Variants in PLBD2 observed in about 807,000 individuals in gnomAD.
PLBD2 encodes the protein putative aminopeptidase PLBD2.
Under a neutral mutation model 68.3 loss-of-function variants are expected in PLBD2, and 51 were observed. The observed-to-expected ratio is 0.75, with a 90% CI of 0.60 to 0.94. PLBD2 has a LOEUF of 0.94. PLBD2 is among the 40% of genes least tolerant of loss of function. The pLI is 0.00. For missense variants in PLBD2, 729 were observed against 792.2 expected, an observed-to-expected ratio of 0.92 and a Z score of 0.96; for synonymous variants, 314 against 339.3, an observed-to-expected ratio of 0.93 and a Z score of 0.82.
chr12:113,387,938 G>A (rs1258079373), intron 11 of PLBD2, 32 bp downstream of exon 11: 1 of 1,607,234 alleles, frequency 6.2e-7, no homozygotes. Context: ...CTGAGCTGTG[G>A]GTGGGGGAAG....
At chr12:113,373,653 C>T (rs1182525375) in intron 3 of PLBD2, among the ~76,000 whole-genome samples, 2 of 151,806 alleles carry the variant, frequency 1.3e-5, no homozygotes, top group East Asian at 1.9e-4. Flanking sequence ...TTCACTCACT[C>T]ATCCATCCGT....
intron 6 of PLBD2, among the ~76,000 whole-genome samples, chr12:113,382,835 T>TGTGTG (rs1555206477): frequency 9.4e-6 from 1 of 106,536 alleles, no homozygotes; most frequent in African/African-American, 3.8e-5. Context: ...TGGTGGTTTT[T>TGTGTG]TGTGTGTGTG....
Position 113,372,587 on chromosome 12 carries a change from G to A in PLBD2, c.385-62G>A, listed in dbSNP as rs1466754188. ...CGCTCTGGGGCAGCCTGGGTGGGGG[G>A]CTCTCAGGGAAGAGAGCACCCCAGC... On this transcript the variant is annotated intron_variant, in intron 2 of 11. Coordinates refer to ENST00000280800, the MANE Select transcript of PLBD2 (RefSeq NM_173542.4). This position sits in a 1 kb window ranked among gnomAD's most constrained non-coding sequence, Gnocchi z 4.2. 2 of 1,554,292 alleles carry A rather than the reference G, an allele frequency of 1.3e-6. No homozygotes were observed. The highest frequency in any genetic ancestry group is 2.7e-5 in the African/African-American group (2 of 73,850).
At chr12:113,379,674 G>C (rs975098626) in intron 5 of PLBD2, among the ~76,000 whole-genome samples, 3 of 151,798 alleles carry the variant, frequency 2.0e-5, no homozygotes, top group African/African-American at 7.3e-5. Context: ...GAGGGTACCT[G>C]CCGGGGGTGG....
At chr12:113,387,613 A>C in intron 10 of PLBD2, 131 bp from the exon 11 acceptor site, 1 of 961,774 alleles carries the variant, frequency 1.0e-6, no homozygotes, top group Non-Finnish European at 1.6e-6. Context: ...TGTCGGGGGT[A>C]GTGTGCAGTG....
At chr12:113,381,348 G>T (rs992891231) in intron 6 of PLBD2, among the ~76,000 whole-genome samples, 11 of 151,596 alleles carry the variant, frequency 7.3e-5, no homozygotes, top group African/African-American at 2.4e-4. Context: ...GCTGTTTACA[G>T]TGTGTTGTTT....
At chr12:113,387,374 C>T (rs60664372) in intron 10 of PLBD2, among the ~76,000 whole-genome samples, 4,340 of 152,208 alleles carry the variant, frequency 0.029, 191 homozygotes, top group African/African-American at 0.098. Context: ...AACCTGTGCC[C>T]CACTGTCCTG....
chr12:113,374,883 T>G lies in PLBD2; in HGVS notation c.735T>G (p.Ser245=). The part of the protein sequence containing the change: ...IKPSLGSGSC[S]ALIKLLPGQS... ...CTTCTCTGGGCTCTGGCTCCTGTTC[T>G]GCCCTCATCAAGCTGCTCCCTGGCC... The change falls in exon 5 of 12, where the codon TCT becomes TCG. Residue 245 remains serine, a synonymous_variant. Coordinates refer to ENST00000280800, the MANE Select transcript of PLBD2 (RefSeq NM_173542.4). The G allele has an allele frequency of 6.2e-7, 1 of 1,614,082 alleles. No individual in the cohort carries two copies. The highest frequency in any genetic ancestry group is 8.5e-7 in the Non-Finnish European group (1 of 1,180,042).
chr12:113,368,283 G>T (rs1428866009), intron 1 of PLBD2, among the ~76,000 whole-genome samples: 1 of 152,206 alleles, frequency 6.6e-6, no homozygotes, highest in African/African-American at 2.4e-5. Context: ...GTATTGGGCA[G>T]CAGTGCTGTG....
intron 5 of PLBD2, among the ~76,000 whole-genome samples, chr12:113,379,301 C>T (rs1957462937): frequency 8.0e-6 from 1 of 125,054 alleles, no homozygotes; most frequent in Non-Finnish European, 1.6e-5. Flanking sequence ...GAGCAAGACT[C>T]TGTCTCAAAA....
In PLBD2 at chr12:113,386,999, G is replaced by A. The variant is rs200723232; in HGVS notation, c.1349G>A (p.Trp450Ter). The change falls in exon 10 of 12, where the codon TGG becomes TAG. Residue 450 changes from tryptophan to a stop codon, truncating the protein, a stop_gained. Coordinates refer to ENST00000280800, the MANE Select transcript of PLBD2 (RefSeq NM_173542.4). LOFTEE classifies it high-confidence loss of function. ...GCCCTAGTGGCCCAGTATGGGGACT[G>A]GTTTTCTTATGACGGGAGCCCCCGG... is the stretch of plus-strand genomic sequence containing the variant. ...LQALVAQYGDWFSYDGSPRAQ... is the reference protein window; with the variant it reads ...LQALVAQYGD The A allele has an allele frequency of 2.2e-4, 359 of 1,612,670 alleles. 1 individual carries two copies. Among genetic ancestry groups the A allele is most frequent in the Non-Finnish European group, 7.8e-5 (92 of 1,179,504 alleles).
Position 113,372,729 on chromosome 12 carries a change from G to A in PLBD2, c.465G>A (p.Leu155=), listed in dbSNP as rs185032693. ...ATGAAGTCGGCTACTGCGAGAGGCT[G>A]AAGAGCTTCCTGGAGGCCAACCTAG... ...FEYEVGYCER[L]KSFLEANLEW... Residue 155 remains leucine (L), a synonymous_variant, in exon 3 of 12, where the codon CTG becomes CTA. Coordinates refer to ENST00000280800, the MANE Select transcript of PLBD2 (RefSeq NM_173542.4). This position sits in a 1 kb window ranked among gnomAD's most constrained non-coding sequence, Gnocchi z 4.2. 60 of 1,614,134 alleles carry A rather than the reference G, an allele frequency of 3.7e-5. No individual in the cohort carries two copies. In the East Asian group the frequency reaches 1.1e-3, roughly 30 times the overall value.
At chr12:113,382,835 T>TTTTTGTGTGTG (rs1335785271) in intron 6 of PLBD2, among the ~76,000 whole-genome samples, 102 of 106,546 alleles carry the variant, frequency 9.6e-4, no homozygotes, top group African/African-American at 3.7e-3. Context: ...TGGTGGTTTT[T>TTTTTGTGTGTG]TGTGTGTGTG....
In PLBD2 at chr12:113,387,240, C is replaced by G. The variant is rs1490321500; in HGVS notation, c.1439+151C>G. The G allele has an allele frequency of 9.6e-6, 9 of 936,834 alleles. No individual in the cohort carries two copies. The Admixed American group carries it at 2.6e-4, about 27-fold the overall frequency. The allele number at this position is 936,834 out of a possible 1,614,324, so 58.0% of individuals were successfully genotyped here. A position where few individuals can be genotyped will look rare whatever the true frequency, so the allele number is the denominator to read the frequency against. ...CAGATGTTGGACACCAGTGCAGCAG[C>G]TCGGTGGCCGCTCTCCACTTGGGCC... On this transcript the variant is annotated intron_variant, in intron 10 of 11. Transcript: ENST00000280800.
Position 113,390,863 on chromosome 12 carries a change from A to G in PLBD2, c.*2237A>G, listed in dbSNP as rs1231700990. On this transcript the variant is annotated 3_prime_UTR_variant, in exon 12 of 12. Transcript: ENST00000280800. ...TTATCACCCATCTACCCATCCATCC[A>G]CCCACTCATCCATCCATTCATCCAT... The G allele has an allele frequency of 6.7e-6, 1 of 150,360 alleles. No homozygotes were observed. The highest frequency in any genetic ancestry group is 1.5e-5 in the Non-Finnish European group (1 of 67,592). The allele number at this position is 150,360 out of a possible 1,614,324, so 9.3% of individuals were successfully genotyped here.
chr12:113,364,474 T>C (rs1433760430), intron 1 of PLBD2, among the ~76,000 whole-genome samples: 2 of 151,938 alleles, frequency 1.3e-5, no homozygotes, highest in Non-Finnish European at 2.9e-5. Flanking sequence ...CAGATTCTTT[T>C]TTTTTTTTTA....
At position 113,358,763 on chromosome 12, in the gene PLBD2, G is replaced by A. The variant is rs1215329259; in HGVS notation, c.163G>A (p.Val55Ile). Reference protein sequence around the residue: ...PGGRWARDGQVPPASRSRSVL... With the variant: ...PGGRWARDGQIPPASRSRSVL... Reference sequence around the variant, plus strand: ...GGGCCGCTGGGCGCGCGATGGGCAGGTCCCTCCAGCCTCCCGCAGCCGCTC... The same window carrying A: ...GGGCCGCTGGGCGCGCGATGGGCAGATCCCTCCAGCCTCCCGCAGCCGCTC... The change falls in exon 1 of 12, where the codon GTC becomes ATC. Residue 55 changes from valine (V) to isoleucine (I), a missense_variant. Val to Ile is a conservative substitution (Grantham distance 29). Transcript: ENST00000280800. 4.2e-6 allele frequency: 6 copies of A among 1,421,386 alleles called. No homozygotes were observed. The highest frequency in any genetic ancestry group is 7.0e-5 in the Admixed American group (2 of 28,548). 88.0% of individuals were successfully genotyped at this position (1,421,386 alleles called of 1,614,324 possible).
chr12:113,391,473 G>A lies in PLBD2; in HGVS notation c.*2847G>A, dbSNP rs965811772. The A allele has an allele frequency of 2.6e-5, 4 of 152,136 alleles. No individual in the cohort carries two copies. Among genetic ancestry groups the A allele is most frequent in the African/African-American group, 4.8e-5 (2 of 41,424 alleles). 9.4% of individuals were successfully genotyped at this position (152,136 alleles called of 1,614,324 possible). A position where few individuals can be genotyped will look rare whatever the true frequency, so the allele number is the denominator to read the frequency against. ...ATGCCAGGCACTGTTATGAGGTCCCGGGGATACTTTATAACAAAAGGGACA... is the reference window on the plus strand; with the variant it reads ...ATGCCAGGCACTGTTATGAGGTCCCAGGGATACTTTATAACAAAAGGGACA... On this transcript the variant is annotated 3_prime_UTR_variant, in exon 12 of 12. Transcript: ENST00000280800.
At chr12:113,379,743 T>C (rs1225677949) in intron 5 of PLBD2, among the ~76,000 whole-genome samples, 1 of 150,898 alleles carries the variant, frequency 6.6e-6, no homozygotes, top group East Asian at 2.0e-4. Flanking sequence ...AACTGGGAGG[T>C]GGAGGTTGCA....
Sources: gnomAD v4.1 joint callset for allele counts (sites outside exome capture counted in the v4.1 genomes callset) on GRCh38, gnomAD v4.1.1 for gene constraint, Gnocchi (gnomAD v3.1) non-coding constraint, MANE v1.5 for transcripts, NCBI Gene and HGNC (gene_info 2026-07-23, HGNC 2026-07-21) for gene names.